Variants in SNX29 observed in about 807,000 individuals in gnomAD.
The protein encoded by SNX29 is sorting nexin-29.
SNX29 carries 78 observed loss-of-function variants against 102.1 expected under a neutral mutation model. That is an observed-to-expected ratio of 0.76 (90% CI 0.64 to 0.92). The LOEUF (loss-of-function observed/expected upper bound fraction) is 0.92, where lower values mean the gene tolerates loss of function less well. Among genes scored for constraint, SNX29 ranks in the 40% least tolerant of loss-of-function variants. The pLI is 0.00. For missense variants in SNX29, 1,280 were observed against 1,061.7 expected, an observed-to-expected ratio of 1.21 and a Z score of -2.86; for synonymous variants, 580 against 414.5, an observed-to-expected ratio of 1.40 and a Z score of -4.85.
At chr16:12,553,678 C>A (rs914282063) in intron 20 of SNX29, among the ~76,000 whole-genome samples, 1 of 149,054 alleles carries the variant, frequency 6.7e-6, no homozygotes, top group Admixed American at 6.9e-5. Flanking sequence ...GCAACCTCCG[C>A]CTCCTGGGTT....
chr16:12,032,937 C>T (rs1429609849), intron 4 of SNX29, among the ~76,000 whole-genome samples: 23 of 152,064 alleles, frequency 1.5e-4, no homozygotes, highest in Admixed American at 1.5e-3. Context: ...TCACTGTAGC[C>T]TCCACCCCCC....
chr16:12,223,646 A>G (rs1265626366), intron 14 of SNX29, among the ~76,000 whole-genome samples: 3 of 152,214 alleles, frequency 2.0e-5, no homozygotes, highest in East Asian at 3.9e-4. Context: ...CCTGGGTGAC[A>G]AGAGAAGAAA....
At chr16:12,160,457 A>G (rs868842886) in intron 13 of SNX29, among the ~76,000 whole-genome samples, 1 of 152,332 alleles carries the variant, frequency 6.6e-6, no homozygotes, top group Middle Eastern at 3.4e-3. Context: ...TGATTTAAAA[A>G]TAACTTGGTG....
At chr16:12,423,334 C>G (rs2084939949) in intron 18 of SNX29, among the ~76,000 whole-genome samples, 1 of 152,236 alleles carries the variant, frequency 6.6e-6, no homozygotes, top group African/African-American at 2.4e-5. Flanking sequence ...CCGTCTCTAC[C>G]CACTGCCTCC....
intron 14 of SNX29, among the ~76,000 whole-genome samples, chr16:12,265,370 T>C (rs964090995): frequency 6.6e-6 from 1 of 152,112 alleles, no homozygotes; most frequent in Non-Finnish European, 1.5e-5. Context: ...ATAACAGCTT[T>C]GATTTTATGC....
intron 13 of SNX29, among the ~76,000 whole-genome samples, chr16:12,145,060 C>T (rs1469456155): frequency 3.3e-5 from 5 of 152,196 alleles, no homozygotes; most frequent in African/African-American, 1.2e-4. Flanking sequence ...GAGCTTTCAA[C>T]GTGCGCCCAC....
At chr16:12,505,423 C>G (rs1190489159) in intron 19 of SNX29, among the ~76,000 whole-genome samples, 2 of 152,170 alleles carry the variant, frequency 1.3e-5, no homozygotes, top group African/African-American at 4.8e-5. Flanking sequence ...AATCAATTGA[C>G]TATAAATGTG....
intron 14 of SNX29, among the ~76,000 whole-genome samples, chr16:12,271,011 C>A (rs1221972863): frequency 6.6e-6 from 1 of 152,128 alleles, no homozygotes; most frequent in Non-Finnish European, 1.5e-5. Flanking sequence ...CCACTGCACT[C>A]CAGCCTGGGT....
chr16:12,360,216 C>A (rs2082263364), intron 16 of SNX29, among the ~76,000 whole-genome samples: 1 of 152,166 alleles, frequency 6.6e-6, no homozygotes, highest in African/African-American at 2.4e-5. Context: ...TTTTCCATGT[C>A]TTTGTGTTGA....
chr16:12,338,915 A>G (rs919616082), intron 15 of SNX29, among the ~76,000 whole-genome samples: 5 of 152,228 alleles, frequency 3.3e-5, no homozygotes, highest in African/African-American at 1.2e-4. Flanking sequence ...TGGAGGATTC[A>G]TGATGCTGCC....
chr16:12,548,671 G>A (rs561733414), intron 20 of SNX29, among the ~76,000 whole-genome samples: 5 of 152,204 alleles, frequency 3.3e-5, no homozygotes, highest in East Asian at 3.8e-4. Flanking sequence ...AGCAAGAAGT[G>A]AAGTTTAAAG....
chr16:12,056,310 A>G (rs2050518881), intron 8 of SNX29, among the ~76,000 whole-genome samples: 2 of 152,158 alleles, frequency 1.3e-5, no homozygotes, highest in African/African-American at 4.8e-5. Flanking sequence ...AATGCCCAAC[A>G]CAGTGCAGGG....
chr16:12,377,725 G>T (rs773200014), intron 16 of SNX29, among the ~76,000 whole-genome samples: 6 of 152,188 alleles, frequency 3.9e-5, no homozygotes, highest in Non-Finnish European at 7.3e-5. Context: ...TCTCGGGCCT[G>T]CAGTTTACAA....
intron 3 of SNX29, among the ~76,000 whole-genome samples, chr16:12,006,438 C>A (rs978553854): frequency 7.3e-5 from 11 of 151,116 alleles, no homozygotes; most frequent in Admixed American, 2.6e-4. Flanking sequence ...AGTGCTTGAA[C>A]CCAGGAGGCG....
Position 12,199,696 on chromosome 16 carries a change from C to T in SNX29, c.1678+13C>T, listed in dbSNP as rs2076865952. 3 of 1,609,180 alleles carry T rather than the reference C, an allele frequency of 1.9e-6. No individual in the cohort carries two copies. The highest frequency in any genetic ancestry group is 1.3e-5 in the African/African-American group (1 of 74,738). On this transcript the variant is annotated intron_variant, in intron 14 of 20. Transcript: ENST00000566228. ...CAAACAGCTGAAGGTGAGGGGGAGC[C>T]TGAGCCCGGGTTGGGAGGGGCCGGG...
At chr16:12,194,622 G>GTTTTT (rs34250906) in intron 13 of SNX29, among the ~76,000 whole-genome samples, 5 of 129,164 alleles carry the variant, frequency 3.9e-5, no homozygotes, top group African/African-American at 1.1e-4. Context: ...GGGGTGGGTA[G>GTTTTT]TTTTTTTTTT....
chr16:12,323,880 C>T (rs777898871), intron 15 of SNX29, among the ~76,000 whole-genome samples: 1 of 152,144 alleles, frequency 6.6e-6, no homozygotes, highest in East Asian at 1.9e-4. Context: ...TTGTTAAGTA[C>T]TAACTTTTAT....
intron 3 of SNX29, among the ~76,000 whole-genome samples, chr16:12,023,407 CAAA>C (rs565812913): frequency 0.013 from 1,269 of 94,550 alleles, 20 homozygotes; most frequent in African/African-American, 0.048. Context: ...GACTCTGTCT[CAAA>C]AAAAAAAAAA....
chr16:12,441,451 C>G (rs559113073), intron 18 of SNX29, among the ~76,000 whole-genome samples: 3 of 152,102 alleles, frequency 2.0e-5, no homozygotes, highest in South Asian at 4.2e-4. Context: ...TTTTTCTTAT[C>G]CATTCATCTC....
Sources: allele counts gnomAD v4.1 joint callset (sites outside exome capture counted in the v4.1 genomes callset), GRCh38; gene constraint gnomAD v4.1.1; transcripts MANE v1.5; gene names NCBI Gene and HGNC (gene_info 2026-07-23, HGNC 2026-07-21).